The following NKAIN3 variants were observed in gnomAD, a reference collection of about 807,000 sequenced individuals.
NKAIN3 encodes sodium/potassium-transporting ATPase subunit beta-1-interacting protein 3.
A neutral mutation model predicts 30.2 loss-of-function variants in NKAIN3; 25 were observed. The observed-to-expected ratio is 0.83, with a 90% CI of 0.60 to 1.16. The LOEUF (loss-of-function observed/expected upper bound fraction) is 1.16. Ranked by LOEUF, NKAIN3 falls within the 50% of genes most tolerant of loss-of-function variation. NKAIN3 has a pLI of 0.00. For missense variants in NKAIN3, 225 were observed against 254.1 expected (o/e 0.89, Z 0.78); for synonymous variants, 91 against 89.6 (o/e 1.02, Z -0.09).
chr8:62,787,554 C>A (rs1371105728), intron 4 of NKAIN3, among the ~76,000 whole-genome samples: 1 of 152,028 alleles, frequency 6.6e-6, no homozygotes, highest in Non-Finnish European at 1.5e-5. Flanking sequence ...TATACTTTAA[C>A]TTTTAGGGTA....
intron 4 of NKAIN3, among the ~76,000 whole-genome samples, chr8:62,753,175 C>G (rs997514624): frequency 6.6e-6 from 1 of 151,134 alleles, no homozygotes; most frequent in Non-Finnish European, 1.5e-5. Flanking sequence ...CATTCTTACT[C>G]TGGGAATTTA....
intron 5 of NKAIN3, chr8:62,990,485 C>A (rs1484903468): frequency 1.9e-6 from 1 of 533,508 alleles, no homozygotes; most frequent in African/African-American, 2.0e-5. Flanking sequence ...TATAAATTAT[C>A]TTAGCATCTT....
chr8:62,680,046 G>A (rs75236345), intron 3 of NKAIN3, among the ~76,000 whole-genome samples: 1 of 152,230 alleles, frequency 6.6e-6, no homozygotes, highest in Non-Finnish European at 1.5e-5. Flanking sequence ...TGAAGGGGAG[G>A]TCAGATAGAT....
At chr8:62,304,003 A>G (rs577877507) in intron 1 of NKAIN3, among the ~76,000 whole-genome samples, 1 of 150,790 alleles carries the variant, frequency 6.6e-6, no homozygotes, top group Admixed American at 6.6e-5. Context: ...GGGAAGTAGG[A>G]AAATGGAACA....
intron 1 of NKAIN3, among the ~76,000 whole-genome samples, chr8:62,320,899 G>C (rs1179699494): frequency 6.6e-6 from 1 of 152,170 alleles, no homozygotes. Context: ...GATTGGGGAA[G>C]TTCTCCTGGA....
At chr8:62,921,442 T>C (rs778602968) in intron 5 of NKAIN3, among the ~76,000 whole-genome samples, 59 of 152,188 alleles carry the variant, frequency 3.9e-4, no homozygotes, top group Non-Finnish European at 7.8e-4. Flanking sequence ...AAAGTGGATA[T>C]ATGGGACTAA....
intron 3 of NKAIN3, among the ~76,000 whole-genome samples, chr8:62,656,107 G>T (rs1460488166): frequency 1.3e-5 from 2 of 152,070 alleles, no homozygotes; most frequent in Non-Finnish European, 2.9e-5. Flanking sequence ...GAAGTGCTGT[G>T]GCAGTGGCCT....
At chr8:62,941,295 T>C (rs1389140017) in intron 5 of NKAIN3, among the ~76,000 whole-genome samples, 1 of 152,036 alleles carries the variant, frequency 6.6e-6, no homozygotes, top group African/African-American at 2.4e-5. Flanking sequence ...CAGGACCAGA[T>C]GGATTCATAG....
chr8:62,992,365 T>C (rs1824338592), intron 5 of NKAIN3, among the ~76,000 whole-genome samples: 1 of 152,090 alleles, frequency 6.6e-6, no homozygotes, highest in Admixed American at 6.5e-5. Context: ...TCTCTGTATT[T>C]CTTATACTTG....
chr8:62,630,517 A>G (rs1299314206), intron 3 of NKAIN3, among the ~76,000 whole-genome samples: 2 of 152,140 alleles, frequency 1.3e-5, no homozygotes, highest in Non-Finnish European at 2.9e-5. Context: ...CCTTAAAAAA[A>G]GTGTTTCTAA....
At chr8:62,619,802 G>A (rs1223671228) in intron 3 of NKAIN3, among the ~76,000 whole-genome samples, 1 of 151,756 alleles carries the variant, frequency 6.6e-6, no homozygotes, top group South Asian at 2.1e-4. Context: ...CTTCCTAACT[G>A]TTGACAAATC....
At chr8:62,609,498 A>G (rs959621289) in intron 3 of NKAIN3, among the ~76,000 whole-genome samples, 1 of 152,158 alleles carries the variant, frequency 6.6e-6, no homozygotes, top group African/African-American at 2.4e-5. Flanking sequence ...TTTATTGGGC[A>G]TCTGCTCTTT....
chr8:62,508,498 C>A (rs1345455527), intron 1 of NKAIN3, among the ~76,000 whole-genome samples: 1 of 152,128 alleles, frequency 6.6e-6, no homozygotes. Context: ...TCTGTGACAA[C>A]CCTCGGAGCC....
chr8:62,373,809 C>T (rs1025059380), intron 1 of NKAIN3, among the ~76,000 whole-genome samples: 6 of 152,080 alleles, frequency 3.9e-5, no homozygotes, highest in African/African-American at 1.4e-4. Context: ...TCCCAATACC[C>T]TCTGTAGAAA....
intron 3 of NKAIN3, among the ~76,000 whole-genome samples, chr8:62,666,827 A>T (rs1465283185): frequency 1.1e-4 from 16 of 152,128 alleles, no homozygotes; most frequent in Non-Finnish European, 2.9e-5. Flanking sequence ...AAAGGAAAGG[A>T]GGCTTATTCA....
In NKAIN3 at chr8:62,970,193, C is replaced by T. The variant is rs184151662; in HGVS notation, c.*4786C>T. ...AGTGAGTGCACTACTGCACTCCAGC[C>T]TAGGCAATACAGCAAAAGCCTGTCT... On this transcript the variant is annotated 3_prime_UTR_variant, in exon 7 of 7. Transcript: ENST00000623646. 1.9e-3 allele frequency among the ~76,000 whole-genome samples: 283 copies of T among 151,840 alleles called. 4 individuals carry two copies. The highest frequency in any genetic ancestry group is 6.6e-3 in the African/African-American group (274 of 41,382).
chr8:62,288,957 C>T (rs1813476251), intron 1 of NKAIN3, among the ~76,000 whole-genome samples: 1 of 152,184 alleles, frequency 6.6e-6, no homozygotes, highest in South Asian at 2.1e-4. Flanking sequence ...GATGGTATCA[C>T]ATTGTGGTTT....
chr8:62,987,357 C>T (rs537822178), downstream of NKAIN3, among the ~76,000 whole-genome samples: 1 of 151,986 alleles, frequency 6.6e-6, no homozygotes, highest in East Asian at 1.9e-4. Context: ...GGCATGAGAA[C>T]CCTTGAATTC....
intron 1 of NKAIN3, among the ~76,000 whole-genome samples, chr8:62,344,108 G>T (rs1329198128): frequency 6.6e-6 from 1 of 152,002 alleles, no homozygotes; most frequent in Admixed American, 6.6e-5. Context: ...AGCCAGGCTG[G>T]GGGGTGGAGG....
Sources: gnomAD v4.1 joint callset for allele counts (sites outside exome capture counted in the v4.1 genomes callset) on GRCh38, gnomAD v4.1.1 for gene constraint, MANE v1.5 for transcripts, NCBI Gene and HGNC (gene_info 2026-07-23, HGNC 2026-07-21) for gene names.